The following ZSWIM5 variants were observed in gnomAD, a reference collection of about 807,000 sequenced individuals.
ZSWIM5 encodes zinc finger SWIM domain-containing protein 5.
A neutral mutation model predicts 119.6 loss-of-function variants in ZSWIM5; 55 were observed. The observed-to-expected ratio is 0.46, with a 90% confidence interval of 0.37 to 0.58. The LOEUF (loss-of-function observed/expected upper bound fraction) is 0.58, where lower values mean the gene tolerates loss of function less well. ZSWIM5 is among the 20% of genes least tolerant of loss of function. The pLI, the probability that ZSWIM5 is intolerant of heterozygous loss-of-function variation, is 0.00. For synonymous variants in ZSWIM5, 537 were observed against 606.9 expected (o/e 0.88, Z 1.69); for missense variants, 1,193 against 1,512.8 (o/e 0.79, Z 3.51).
intron 1 of ZSWIM5, among the ~76,000 whole-genome samples, chr1:45,197,151 T>C (rs958953269): frequency 2.6e-5 from 4 of 152,230 alleles, no homozygotes; most frequent in African/African-American, 4.8e-5. Flanking sequence ...TTTGGGAACC[T>C]GGACAGGAAC....
At chr1:45,024,369 T>G (rs984558149) in intron 11 of ZSWIM5, among the ~76,000 whole-genome samples, 6 of 151,796 alleles carry the variant, frequency 4.0e-5, no homozygotes, top group African/African-American at 1.4e-4. Flanking sequence ...TTTTTAAATT[T>G]TTATTAGAGA....
intron 1 of ZSWIM5, among the ~76,000 whole-genome samples, chr1:45,197,502 T>A (rs998677672): frequency 9.2e-5 from 14 of 152,230 alleles, no homozygotes; most frequent in African/African-American, 3.1e-4. Context: ...TGCTGAACAG[T>A]ATTCCATCTG....
chr1:45,168,832 T>C (rs530316967), intron 1 of ZSWIM5, among the ~76,000 whole-genome samples: 1 of 152,184 alleles, frequency 6.6e-6, no homozygotes, highest in African/African-American at 2.4e-5. Flanking sequence ...AATTTCTACA[T>C]AGCAAAACTC....
chr1:45,204,441 C>T (rs1646175274), intron 1 of ZSWIM5, among the ~76,000 whole-genome samples: 1 of 152,072 alleles, frequency 6.6e-6, no homozygotes, highest in African/African-American at 2.4e-5. Context: ...TTCAAATAAA[C>T]AAAACTTGCT....
chr1:45,203,443 TTC>T (rs1288753777), intron 1 of ZSWIM5, among the ~76,000 whole-genome samples: 1 of 152,044 alleles, frequency 6.6e-6, no homozygotes, highest in Non-Finnish European at 1.5e-5. Flanking sequence ...TACCCCAACT[TTC>T]TGTTCTTCCT....
chr1:45,055,083 C>G (rs929249745), intron 4 of ZSWIM5, among the ~76,000 whole-genome samples: 1 of 152,168 alleles, frequency 6.6e-6, no homozygotes, highest in African/African-American at 2.4e-5. Flanking sequence ...GCTCGCCTCC[C>G]GGGTTCATGC....
At chr1:45,069,945 C>A (rs1645211550) in intron 2 of ZSWIM5, 1 of 636,894 alleles carries the variant, frequency 1.6e-6, no homozygotes, top group South Asian at 1.8e-5. Flanking sequence ...AGGAGCAAAT[C>A]CAGTATCCAC....
rs184261125 is a variant in ZSWIM5, at chr1:45,129,395, G to C, written c.596-41158C>G. 1.5e-3 allele frequency among the ~76,000 whole-genome samples: 224 copies of C among 151,864 alleles called. 3 individuals are homozygous for C. Among genetic ancestry groups the C allele is most frequent in the Admixed American group, 0.014 (221 of 15,252 alleles). ...GATGGTCTCGATATCCTGACCTCGT[G>C]ATCCGCCCGCCTCAGCCTCCCAAAG... On this transcript the variant is annotated intron_variant, in intron 1 of 13. Transcript: ENST00000359600.
At chr1:45,045,537 G>T (rs772397655) in intron 5 of ZSWIM5, among the ~76,000 whole-genome samples, 24 of 152,126 alleles carry the variant, frequency 1.6e-4, no homozygotes, top group Non-Finnish European at 2.9e-4. Flanking sequence ...TATCATTAGA[G>T]TAGCACTGAC....
intron 1 of ZSWIM5, among the ~76,000 whole-genome samples, chr1:45,203,300 C>T (rs578131530): frequency 1.3e-5 from 2 of 152,046 alleles, no homozygotes; most frequent in East Asian, 3.9e-4. Flanking sequence ...CTACTCTTTC[C>T]ACAAGTTTTT....
At chr1:45,106,229 C>CA (rs1645476364) in intron 1 of ZSWIM5, among the ~76,000 whole-genome samples, 1 of 144,654 alleles carries the variant, frequency 6.9e-6, no homozygotes, top group Non-Finnish European at 1.5e-5. Context: ...CGTCTCTGCC[C>CA]GGCCGCCCTG....
chr1:45,035,743 C>T lies in ZSWIM5; in HGVS notation c.2236G>A (p.Ala746Thr). Reference sequence around the variant, plus strand: ...AGGTCTGGATCATGAGGCAGCAGAGCTGAGAACAAATACTTGGCAAAGGTA... The same window carrying T: ...AGGTCTGGATCATGAGGCAGCAGAGTTGAGAACAAATACTTGGCAAAGGTA... ...MHTFAKYLFS[A>T]LLPHDPDLSY... The change falls in exon 10 of 14, where the codon GCT becomes ACT. Residue 746 changes from alanine (A) to threonine (T), a missense_variant. Transcript: ENST00000359600. 1 of 1,613,954 alleles carries T rather than the reference C, an allele frequency of 6.2e-7. No homozygotes were observed. The highest frequency in any genetic ancestry group is 1.3e-5 in the African/African-American group (1 of 74,986).
intron 1 of ZSWIM5, among the ~76,000 whole-genome samples, chr1:45,134,250 G>T (rs1645676550): frequency 6.6e-6 from 1 of 151,926 alleles, no homozygotes; most frequent in Admixed American, 6.6e-5. Context: ...TGAGCATTTT[G>T]CTTTTTGCCT....
At chr1:45,204,193 T>C (rs1646173570) in intron 1 of ZSWIM5, among the ~76,000 whole-genome samples, 2 of 152,146 alleles carry the variant, frequency 1.3e-5, no homozygotes, top group Admixed American at 1.3e-4. Flanking sequence ...CTCATCCATC[T>C]CTTACTATAA....
intron 1 of ZSWIM5, among the ~76,000 whole-genome samples, chr1:45,158,369 A>C (rs1469714688): frequency 6.6e-6 from 1 of 151,988 alleles, no homozygotes; most frequent in African/African-American, 2.4e-5. Flanking sequence ...GGGTTTTGCC[A>C]CGTTGCCCAG....
At chr1:45,182,374 C>T (rs989084019) in intron 1 of ZSWIM5, among the ~76,000 whole-genome samples, 3 of 149,884 alleles carry the variant, frequency 2.0e-5, no homozygotes, top group Admixed American at 6.7e-5. Flanking sequence ...ACAGCACTCC[C>T]GCCTGGGCGA....
chr1:45,161,330 T>C (rs1645862714), intron 1 of ZSWIM5, among the ~76,000 whole-genome samples: 1 of 152,184 alleles, frequency 6.6e-6, no homozygotes, highest in Non-Finnish European at 1.5e-5. Flanking sequence ...GAAATCTCCA[T>C]ACTGTTTTCA....
At position 45,038,860 on chromosome 1, in the gene ZSWIM5, T is replaced by C; in HGVS notation, c.1894+76A>G. 1.3e-6 allele frequency: 2 copies of C among 1,577,712 alleles called. 1 individual carries two copies. The highest frequency in any genetic ancestry group is 2.3e-5 in the South Asian group (2 of 87,946). ...ATCCACCCACCTTGGCCTCCCAAAA[T>C]GCTAGGATTACAGGTGTGAGCCACC... On this transcript the variant is annotated intron_variant, in intron 8 of 13. Coordinates refer to ENST00000359600, the MANE Select transcript of ZSWIM5 (RefSeq NM_020883.2).
chr1:45,026,866 G>A (rs1016704559), intron 11 of ZSWIM5, among the ~76,000 whole-genome samples: 4 of 151,940 alleles, frequency 2.6e-5, no homozygotes, highest in Non-Finnish European at 5.9e-5. Flanking sequence ...GTTTTGGAAG[G>A]TTATTATTAA....
Sources: gnomAD v4.1 joint callset for allele counts (sites outside exome capture counted in the v4.1 genomes callset) on GRCh38, gnomAD v4.1.1 for gene constraint, MANE v1.5 for transcripts, NCBI Gene and HGNC (gene_info 2026-07-23, HGNC 2026-07-21) for gene names.